Variants in UBN1 observed in about 807,000 individuals in gnomAD.
UBN1 encodes ubinuclein 1, also known as ubinuclein-1.
UBN1 carries 17 observed loss-of-function variants against 108.5 expected under a neutral mutation model. That is an observed-to-expected ratio of 0.16 (90% CI 0.11 to 0.24). The LOEUF (loss-of-function observed/expected upper bound fraction) is 0.24, where lower values mean the gene tolerates loss of function less well. Ranked by LOEUF, UBN1 falls within the 10% of genes least tolerant of loss-of-function variation. UBN1 has a pLI of 1.00. For synonymous variants in UBN1, 726 were observed against 564.2 expected (o/e 1.29, Z -4.07); for missense variants, 1,595 against 1,394.4 (o/e 1.14, Z -2.29).
intron 1 of UBN1, among the ~76,000 whole-genome samples, chr16:4,850,425 C>T (rs1006041243): frequency 6.6e-6 from 1 of 152,176 alleles, no homozygotes; most frequent in African/African-American, 2.4e-5. Context: ...TTCCTGCATC[C>T]CATTGGTTAA....
At chr16:4,866,403 C>T (rs888703824) in intron 7 of UBN1, among the ~76,000 whole-genome samples, 1 of 152,208 alleles carries the variant, frequency 6.6e-6, no homozygotes, top group Non-Finnish European at 1.5e-5. Flanking sequence ...TGCCGTTTTA[C>T]AGTAGTATCT....
chr16:4,849,949 CAAAAA>C lies in UBN1; in HGVS notation c.-40+1752_-40+1756del. ...CAACAGGAGTGAGGCAACTGTCTCA[CAAAAA>C]AAAAAAAAAAAACCACAAAAAAAGC... On this transcript the variant is annotated intron_variant, in intron 1 of 17. Transcript: ENST00000262376. Among the ~76,000 whole-genome samples the C allele has an allele frequency of 2.8e-5, 2 of 72,192 alleles. 1 individual carries two copies. Among genetic ancestry groups the C allele is most frequent in the South Asian group, 1.2e-3 (2 of 1,706 alleles). The allele number at this position is 72,192 out of a possible 152,430, so 47.4% of individuals were successfully genotyped here. A position where few individuals can be genotyped will look rare whatever the true frequency, so the allele number is the denominator to read the frequency against.
rs2088037832 is a variant in UBN1 at position 4,880,210 on chromosome 16, G to C, written c.*78G>C. The stretch of plus-strand genomic sequence containing the variant: ...AGGTCTCCCAGGATGTACACTCACT[G>C]CGCCCTTTCTGCTGCTTGGTGTTCT... On this transcript the variant is annotated 3_prime_UTR_variant, in exon 18 of 18. Coordinates refer to ENST00000262376, the MANE Select transcript of UBN1 (RefSeq NM_001079514.3). 6.7e-7 allele frequency: 1 copy of C among 1,486,406 alleles called. No homozygotes were observed. The highest frequency in any genetic ancestry group is 2.3e-5 in the East Asian group (1 of 44,012). 92.1% of individuals were successfully genotyped at this position (1,486,406 alleles called of 1,614,324 possible).
chr16:4,875,166 C>A lies in UBN1; in HGVS notation c.2756C>A (p.Ser919Tyr). The A allele has an allele frequency of 6.2e-7, 1 of 1,614,254 alleles. No homozygotes were observed. Among genetic ancestry groups the A allele is most frequent in the Non-Finnish European group, 8.5e-7 (1 of 1,180,050 alleles). Residue 919 changes from serine (S) to tyrosine (Y), a missense_variant, in exon 15 of 18, where the codon TCC (serine) becomes TAC (tyrosine). This residue lies in a region of UBN1 where 1,398 missense variants were observed against 1,194.7 expected (regional missense o/e 1.17). Transcript: ENST00000262376. ...CATGGGGTTTCTTCTGGCAGCTCTT[C>A]CTCGGGAGGAACACCAGTCCAGAGT... is the stretch of plus-strand genomic sequence containing the variant. ...SKHGVSSGSS[S>Y]SGGTPVQSSV...
chr16:4,859,232 C>T, intron 5 of UBN1, 73 bp downstream of exon 5: 1 of 1,561,786 alleles, frequency 6.4e-7, no homozygotes. Flanking sequence ...AGGTGACTTG[C>T]CAGAATACGT....
intron 2 of UBN1, among the ~76,000 whole-genome samples, chr16:4,854,729 G>GT (rs57048337): frequency 0.037 from 5,125 of 140,118 alleles, 253 homozygotes; most frequent in African/African-American, 0.12. Context: ...GTGAAAAGCT[G>GT]TTTTTTTTTT....
intron 2 of UBN1, among the ~76,000 whole-genome samples, chr16:4,857,301 T>C (rs1438008522): frequency 6.7e-6 from 1 of 149,888 alleles, no homozygotes; most frequent in African/African-American, 2.5e-5. Context: ...CAGTGAGTCA[T>C]GATTGTGCCA....
chr16:4,877,173 G>C lies in UBN1; in HGVS notation c.3265+62G>C. ...CCTCTAGATTGTGGCCAGGGGTCCT[G>C]CTGTTGTGTACTCTGGTTCCTGTGT... is the stretch of plus-strand genomic sequence containing the variant. On this transcript the variant is annotated intron_variant, in intron 16 of 17. Coordinates refer to ENST00000262376, the MANE Select transcript of UBN1 (RefSeq NM_001079514.3). This position sits in a 1 kb window ranked among gnomAD's most constrained non-coding sequence, Gnocchi z 4.3. The C allele has an allele frequency of 2.6e-6, 4 of 1,544,158 alleles. No homozygotes were observed. Among genetic ancestry groups the C allele is most frequent in the Non-Finnish European group, 3.5e-6 (4 of 1,149,802 alleles).
At chr16:4,863,215 C>T (rs955537656) in intron 7 of UBN1, among the ~76,000 whole-genome samples, 1 of 151,978 alleles carries the variant, frequency 6.6e-6, no homozygotes, top group Non-Finnish European at 1.5e-5. Context: ...ATTATAAAGC[C>T]CTCATGACTT....
chr16:4,872,447 T>G (rs2087688805), intron 12 of UBN1: 2 of 333,882 alleles, frequency 6.0e-6, no homozygotes, highest in Non-Finnish European at 8.0e-6. Context: ...GACCTTTTTT[T>G]TTGTGTGTGT....
chr16:4,848,721 T>C (rs538010847), intron 1 of UBN1, among the ~76,000 whole-genome samples: 2 of 152,374 alleles, frequency 1.3e-5, no homozygotes, highest in African/African-American at 4.8e-5. Context: ...TTCCAGGGAA[T>C]AATTTGATAA....
chr16:4,880,123 G>C lies in UBN1; in HGVS notation c.3396G>C (p.Arg1132=), dbSNP rs1209229547. 1.2e-6 allele frequency: 2 copies of C among 1,613,956 alleles called. No individual in the cohort carries two copies. Among genetic ancestry groups the C allele is most frequent in the Non-Finnish European group, 1.7e-6 (2 of 1,180,018 alleles). Residue 1132 remains arginine, a synonymous_variant, in exon 18 of 18, where the codon CGG becomes CGC. Coordinates refer to ENST00000262376, the MANE Select transcript of UBN1 (RefSeq NM_001079514.3). ...ACGGGAAAGGGCCTGCTGTACCACG[G>C]AAATTGTGACCGCTTCAGAGGCAAG... is the stretch of plus-strand genomic sequence containing the variant. ...QLHGKGPAVP[R]KL
At chr16:4,874,155 G>A in intron 14 of UBN1, 56 bp from the exon 15 acceptor site, 1 of 1,501,584 alleles carries the variant, frequency 6.7e-7, no homozygotes. Context: ...CTCACAACAG[G>A]CCAATGTTGG....
chr16:4,870,436 C>T, intron 9 of UBN1, 80 bp from the exon 10 acceptor site: 2 of 1,610,320 alleles, frequency 1.2e-6, no homozygotes, highest in African/African-American at 1.3e-5. Flanking sequence ...CCCACTGCCT[C>T]CTTGTGATCA....
In UBN1 at chr16:4,852,985, A is replaced by C. The variant is rs772593134; in HGVS notation, c.68A>C (p.Lys23Thr). The change falls in exon 2 of 18, where the codon AAG (lysine) becomes ACG (threonine). Residue 23 changes from lysine (K) to threonine (T), a missense_variant. By Grantham distance (78) the Lys-to-Thr change is moderately conservative. This residue lies in a region of UBN1 where 181 missense variants were observed against 157.3 expected (regional missense o/e 1.15). Transcript: ENST00000262376. ...TCCCTGAATCCTGCGTTTTTGAAGA[A>C]GTCCCGGAAGGAGGAGGCTGGGGCA... ...PGSLNPAFLK[K>T]SRKEEAGAGE... The C allele has an allele frequency of 1.6e-5, 26 of 1,614,068 alleles. No homozygotes were observed. Among genetic ancestry groups the C allele is most frequent in the Non-Finnish European group, 2.0e-5 (24 of 1,180,044 alleles).
intron 1 of UBN1, among the ~76,000 whole-genome samples, chr16:4,849,807 G>C (rs1322377869): frequency 6.6e-6 from 1 of 151,558 alleles, no homozygotes; most frequent in South Asian, 2.1e-4. Context: ...ATGTTGTCCA[G>C]GCTGGTCTTA....
chr16:4,856,925 G>A (rs980629444), intron 2 of UBN1, among the ~76,000 whole-genome samples: 9 of 152,210 alleles, frequency 5.9e-5, no homozygotes, highest in Non-Finnish European at 1.2e-4. Flanking sequence ...TGGTATTTCA[G>A]TAGGCAGAGA....
chr16:4,867,847 C>T (rs2087413884), intron 7 of UBN1, among the ~76,000 whole-genome samples: 1 of 152,064 alleles, frequency 6.6e-6, no homozygotes. Flanking sequence ...ACCTTATCAC[C>T]CTTGTTTGCT....
chr16:4,865,876 C>T (rs1205069823), intron 7 of UBN1, among the ~76,000 whole-genome samples: 1 of 152,048 alleles, frequency 6.6e-6, no homozygotes, highest in Non-Finnish European at 1.5e-5. Context: ...GCAGGAGAAT[C>T]ACTTGAACCC....
Sources: gnomAD v4.1 joint callset for allele counts (sites outside exome capture counted in the v4.1 genomes callset) on GRCh38, gnomAD v4.1.1 for gene constraint, gnomAD v4.1.1 regional missense constraint, Gnocchi (gnomAD v3.1) non-coding constraint, MANE v1.5 for transcripts, NCBI Gene and HGNC (gene_info 2026-07-23, HGNC 2026-07-21) for gene names.